Variants in ATP2B1 observed in about 807,000 individuals in gnomAD.
ATP2B1 encodes ATPase plasma membrane Ca2+ transporting 1.
In ATP2B1, 14 loss-of-function variants were observed where a neutral mutation model predicts 124.2. That is an observed-to-expected ratio of 0.11 (90% CI 0.07 to 0.18). The LOEUF (loss-of-function observed/expected upper bound fraction) is 0.18, where lower values mean the gene tolerates loss of function less well. ATP2B1 is among the 10% of genes least tolerant of loss of function. The pLI is 1.00. For synonymous variants in ATP2B1, 449 were observed against 492.4 expected (o/e 0.91, Z 1.17); for missense variants, 763 against 1,466.1 (o/e 0.52, Z 7.83).
chr12:89,598,876 T>C, intron 20 of ATP2B1: 3 of 1,201,408 alleles, frequency 2.5e-6, no homozygotes, highest in Non-Finnish European at 3.5e-6. Flanking sequence ...GAATAGCATT[T>C]TGAGATGAAG....
chr12:89,588,749 A>C lies in ATP2B1; in HGVS notation c.*2235T>G, dbSNP rs1873056448. 1 of 152,592 alleles carries C rather than the reference A, an allele frequency of 6.6e-6. No individual in the cohort carries two copies. The highest frequency in any genetic ancestry group is 1.5e-5 in the Non-Finnish European group (1 of 68,020). 9.5% of individuals were successfully genotyped at this position (152,592 alleles called of 1,614,324 possible). ...TGAATACTGTAAAAGCTCAATACAA[A>C]TCCTCCAAAGCACATGCACTTCTAA... is the stretch of plus-strand genomic sequence containing the variant. On this transcript the variant is annotated 3_prime_UTR_variant, in exon 21 of 21. Transcript: ENST00000428670.
At chr12:89,654,012 T>C (rs979793377) in intron 2 of ATP2B1, among the ~76,000 whole-genome samples, 1 of 152,222 alleles carries the variant, frequency 6.6e-6, no homozygotes, top group Non-Finnish European at 1.5e-5. Context: ...CTCCTTAATG[T>C]TAGTGTCCCC....
intron 1 of ATP2B1, among the ~76,000 whole-genome samples, chr12:89,707,519 A>G (rs1892614740): frequency 6.6e-6 from 1 of 152,192 alleles, no homozygotes; most frequent in African/African-American, 2.4e-5. Flanking sequence ...AAGCCATTAG[A>G]TTATTAATAA....
intron 1 of ATP2B1, among the ~76,000 whole-genome samples, chr12:89,681,787 T>C (rs1889380643): frequency 6.6e-6 from 1 of 152,164 alleles, no homozygotes; most frequent in Non-Finnish European, 1.5e-5. Flanking sequence ...TTATAAATTA[T>C]ATCCACCTCA....
chr12:89,693,829 G>T (rs1001149451), intron 1 of ATP2B1, among the ~76,000 whole-genome samples: 1 of 152,158 alleles, frequency 6.6e-6, no homozygotes, highest in Non-Finnish European at 1.5e-5. Context: ...AACTTCTGGC[G>T]GCTTAGAGGG....
intron 11 of ATP2B1, among the ~76,000 whole-genome samples, chr12:89,618,565 G>C (rs1178972262): frequency 6.6e-6 from 1 of 152,216 alleles, no homozygotes. Context: ...GTAACTGAGT[G>C]TACTGTGGCA....
At chr12:89,695,622 CTTCTG>C (rs1449247293) in intron 1 of ATP2B1, among the ~76,000 whole-genome samples, 3 of 151,990 alleles carry the variant, frequency 2.0e-5, no homozygotes, top group East Asian at 3.9e-4. Flanking sequence ...AGATGTCAAA[CTTCTG>C]AAGTTTTCTC....
intron 5 of ATP2B1, 124 bp downstream of exon 5, chr12:89,634,654 T>A: frequency 9.2e-7 from 1 of 1,082,234 alleles, no homozygotes. Flanking sequence ...ATTACAACAG[T>A]AGAAGGTAGC....
In ATP2B1 at chr12:89,591,193, T is replaced by A. The variant is rs762207543; in HGVS notation, c.3454A>T (p.Ile1152Leu). 5.6e-5 allele frequency: 91 copies of A among 1,613,226 alleles called. No homozygotes were observed. The highest frequency in any genetic ancestry group is 7.7e-5 in the Non-Finnish European group (91 of 1,179,434). The change falls in exon 21 of 21, where the codon ATA becomes TTA. Residue 1152 changes from isoleucine to leucine, a missense_variant. Around this residue, in one of 7 missense-constraint regions of ATP2B1, gnomAD observed 97 missense variants for 94.7 expected, o/e 1.02. Transcript: ENST00000428670. ...HNFMTHPEFR[I>L]EDSEPHIPLI... Reference sequence around the variant, plus strand: ...GGGATATGAGGCTCTGAATCTTCTATCCTAAACTCAGGATGTGTCATAAAG... The same window carrying A: ...GGGATATGAGGCTCTGAATCTTCTAACCTAAACTCAGGATGTGTCATAAAG...
chr12:89,629,789 G>C (rs1881554632), intron 6 of ATP2B1, among the ~76,000 whole-genome samples: 1 of 152,152 alleles, frequency 6.6e-6, no homozygotes, highest in South Asian at 2.1e-4. Flanking sequence ...ACTCCAGAGG[G>C]GTAATCCTGA....
chr12:89,645,998 GA>G (rs749381300), intron 2 of ATP2B1, among the ~76,000 whole-genome samples: 11 of 152,160 alleles, frequency 7.2e-5, no homozygotes, highest in Non-Finnish European at 1.5e-4. Context: ...GGCAGAAGGG[GA>G]TAAGTGGATT....
At chr12:89,659,870 C>T (rs1416801670) in intron 1 of ATP2B1, among the ~76,000 whole-genome samples, 3 of 140,888 alleles carry the variant, frequency 2.1e-5, no homozygotes, top group African/African-American at 5.3e-5. Flanking sequence ...TTGCAGTGAG[C>T]GGAGATCGCG....
intron 2 of ATP2B1, among the ~76,000 whole-genome samples, chr12:89,643,065 T>TATACACAC (rs1555201598): frequency 0.011 from 1,571 of 143,630 alleles, 25 homozygotes; most frequent in African/African-American, 0.038. Flanking sequence ...TAAAGATACA[T>TATACACAC]ACACACACAC....
rs146944472 is a variant in ATP2B1 at position 89,705,599 on chromosome 12, T to C, written c.-222+2997A>G. Among the ~76,000 whole-genome samples, 1,101 of 152,284 alleles carry C rather than the reference T, an allele frequency of 7.2e-3. 21 individuals are homozygous for C. Among genetic ancestry groups the C allele is most frequent in the Non-Finnish European group, 4.7e-3 (320 of 67,976 alleles). On this transcript the variant is annotated intron_variant, in intron 1 of 20. Transcript: ENST00000428670. ...TGGTAAGAGACTGTTGCATCTGAAA[T>C]GAAGTTAACATGTCTGTCAGTCAAA...
intron 1 of ATP2B1, among the ~76,000 whole-genome samples, chr12:89,659,915 CAA>C (rs1234238576): frequency 4.7e-5 from 2 of 42,514 alleles, no homozygotes; most frequent in Non-Finnish European, 1.0e-4. Flanking sequence ...AAGCGAGACT[CAA>C]AAAAAAAAAA....
chr12:89,635,459 G>A (rs183733269), intron 3 of ATP2B1, among the ~76,000 whole-genome samples: 1 of 152,206 alleles, frequency 6.6e-6, no homozygotes, highest in Non-Finnish European at 1.5e-5. Context: ...TCAGTAGAGG[G>A]AGGCAGTCTA....
intron 2 of ATP2B1, among the ~76,000 whole-genome samples, chr12:89,648,154 T>C (rs967209028): frequency 7.9e-5 from 12 of 152,110 alleles, no homozygotes; most frequent in African/African-American, 2.9e-4. Flanking sequence ...CCTTAAAAAG[T>C]GGAAGCGGCT....
intron 1 of ATP2B1, among the ~76,000 whole-genome samples, chr12:89,671,425 G>A (rs917112309): frequency 1.3e-5 from 2 of 152,156 alleles, no homozygotes; most frequent in African/African-American, 2.4e-5. Flanking sequence ...CTAACTGAGG[G>A]ATTAAAATGT....
intron 5 of ATP2B1, among the ~76,000 whole-genome samples, chr12:89,631,041 G>C (rs1282589496): frequency 6.6e-6 from 1 of 151,896 alleles, no homozygotes; most frequent in Middle Eastern, 3.4e-3. Context: ...CAAAGTGCTG[G>C]GATTACAGAT....
Sources: allele counts gnomAD v4.1 joint callset (sites outside exome capture counted in the v4.1 genomes callset), GRCh38; gene constraint gnomAD v4.1.1; regional missense constraint gnomAD v4.1.1; transcripts MANE v1.5; gene names NCBI Gene and HGNC (gene_info 2026-07-23, HGNC 2026-07-21).